The following ROBO2 variants were observed in gnomAD, a reference collection of about 807,000 sequenced individuals.
ROBO2 encodes the protein roundabout guidance receptor 2, also known as roundabout homolog 2.
A neutral mutation model predicts 160.8 loss-of-function variants in ROBO2; 53 were observed. The observed-to-expected ratio is 0.33, with a 90% CI of 0.26 to 0.41. The LOEUF is 0.41. ROBO2 is among the 10% of genes least tolerant of loss of function. The pLI is 1.00. For synonymous variants in ROBO2, 664 were observed against 611.7 expected, an observed-to-expected ratio of 1.09 and a Z score of -1.26; for missense variants, 1,577 against 1,722.4, an observed-to-expected ratio of 0.92 and a Z score of 1.49.
At chr3:76,689,142 A>C (rs1347079142) in intron 2 of ROBO2, among the ~76,000 whole-genome samples, 1 of 152,116 alleles carries the variant, frequency 6.6e-6, no homozygotes, top group East Asian at 1.9e-4. Context: ...ACAGCTTTGA[A>C]TTGCTAGCCT....
chr3:77,319,344 A>G (rs1185681365), intron 2 of ROBO2, among the ~76,000 whole-genome samples: 1 of 152,208 alleles, frequency 6.6e-6, no homozygotes, highest in Admixed American at 6.5e-5. Flanking sequence ...GATTTTTATC[A>G]CAGTGACTTC....
In ROBO2 at chr3:76,554,970, C is replaced by T. The variant is rs142385794; in HGVS notation, c.110-543044C>T. On this transcript the variant is annotated intron_variant, in intron 2 of 26. Coordinates refer to the ROBO2 transcript ENST00000487694. ...TGTGAATTTGATGTTGATGCTTGCA[C>T]AACAAAAGCATGTGGTTAAAATCTA... is the stretch of plus-strand genomic sequence containing the variant. 2.2e-3 allele frequency among the ~76,000 whole-genome samples: 326 copies of T among 150,762 alleles called. 1 individual carries two copies. The highest frequency in any genetic ancestry group is 7.7e-3 in the African/African-American group (315 of 40,986).
chr3:77,195,141 A>T (rs2150970803), intron 2 of ROBO2, among the ~76,000 whole-genome samples: 1 of 152,248 alleles, frequency 6.6e-6, no homozygotes, highest in Non-Finnish European at 1.5e-5. Flanking sequence ...ACATTCAGGT[A>T]AATAGGACGC....
At chr3:76,802,043 C>A (rs1395824871) in intron 2 of ROBO2, among the ~76,000 whole-genome samples, 1 of 152,104 alleles carries the variant, frequency 6.6e-6, no homozygotes, top group Non-Finnish European at 1.5e-5. Flanking sequence ...CCATGGCACC[C>A]AAAAACAATT....
chr3:77,437,898 G>A (rs2153549288), intron 2 of ROBO2, among the ~76,000 whole-genome samples: 1 of 152,094 alleles, frequency 6.6e-6, no homozygotes, highest in Admixed American at 6.6e-5. Flanking sequence ...CAGTCGGTAT[G>A]CCACACACTA....
chr3:76,319,952 G>T (rs2072377697), intron 2 of ROBO2, among the ~76,000 whole-genome samples: 1 of 151,988 alleles, frequency 6.6e-6, no homozygotes, highest in African/African-American at 2.4e-5. Flanking sequence ...ATTAGAGGGG[G>T]GAAGGCATCT....
At chr3:76,796,197 C>T (rs1576664356) in intron 2 of ROBO2, among the ~76,000 whole-genome samples, 1 of 152,010 alleles carries the variant, frequency 6.6e-6, no homozygotes, top group African/African-American at 2.4e-5. Flanking sequence ...ACCTGTCCAT[C>T]GAAGCCAGGC....
chr3:76,765,714 C>T (rs998140240), intron 2 of ROBO2, among the ~76,000 whole-genome samples: 5 of 151,608 alleles, frequency 3.3e-5, no homozygotes, highest in African/African-American at 7.3e-5. Context: ...TAAATCATTA[C>T]GGATGTCCAG....
chr3:76,535,417 G>T (rs1003633355), intron 2 of ROBO2, among the ~76,000 whole-genome samples: 6 of 152,020 alleles, frequency 3.9e-5, no homozygotes, highest in Non-Finnish European at 8.8e-5. Flanking sequence ...TGGGGTAAGG[G>T]TGATTAGGTT....
intron 2 of ROBO2, among the ~76,000 whole-genome samples, chr3:76,758,894 A>G (rs2061140450): frequency 6.6e-6 from 1 of 151,864 alleles, no homozygotes; most frequent in Non-Finnish European, 1.5e-5. Flanking sequence ...TATAAATGAT[A>G]GATGTATATA....
intron 2 of ROBO2, among the ~76,000 whole-genome samples, chr3:76,402,852 C>A (rs867707483): frequency 2.0e-5 from 3 of 151,622 alleles, no homozygotes; most frequent in Non-Finnish European, 4.4e-5. Context: ...AGATTGGGCT[C>A]ACCCAGATAA....
At chr3:76,935,004 G>GA (rs2077601628) in intron 2 of ROBO2, among the ~76,000 whole-genome samples, 1 of 146,594 alleles carries the variant, frequency 6.8e-6, no homozygotes, top group Non-Finnish European at 1.5e-5. Context: ...CCAGGCTGGA[G>GA]TTCAGTGGTC....
intron 2 of ROBO2, among the ~76,000 whole-genome samples, chr3:75,937,899 G>A (rs1444128931): frequency 6.9e-6 from 1 of 144,120 alleles, no homozygotes; most frequent in African/African-American, 2.6e-5. Context: ...CTATGTGTGT[G>A]TGTGTGTGTT....
intron 2 of ROBO2, among the ~76,000 whole-genome samples, chr3:76,283,423 T>G (rs781272470): frequency 1.3e-5 from 2 of 151,798 alleles, no homozygotes; most frequent in Non-Finnish European, 2.9e-5. Context: ...TTGCTTTCTC[T>G]AGTCATTTCT....
At chr3:76,567,652 T>TATATATATATATAC (rs1404175553) in intron 2 of ROBO2, among the ~76,000 whole-genome samples, 2 of 63,956 alleles carry the variant, frequency 3.1e-5, no homozygotes, top group Non-Finnish European at 5.6e-5. Context: ...TATATATATA[T>TATATATATATATAC]ACACATACAC....
chr3:77,106,106 G>C (rs1475710400), intron 2 of ROBO2, among the ~76,000 whole-genome samples: 2 of 152,124 alleles, frequency 1.3e-5, no homozygotes, highest in Non-Finnish European at 1.5e-5. Flanking sequence ...GCAGCGGTGT[G>C]ATCTCAGTTC....
chr3:76,165,863 T>C (rs72630361), intron 2 of ROBO2, among the ~76,000 whole-genome samples: 6,960 of 152,064 alleles, frequency 0.046, 348 homozygotes, highest in East Asian at 0.22. Context: ...AGAAGCCATC[T>C]CCATAATATA....
chr3:77,575,999 C>G (rs1247264720), intron 14 of ROBO2, among the ~76,000 whole-genome samples: 1 of 152,064 alleles, frequency 6.6e-6, no homozygotes, highest in African/African-American at 2.4e-5. Flanking sequence ...GATTTGGGTT[C>G]TTTCACATCT....
At chr3:76,080,580 T>C (rs1274729678) in intron 2 of ROBO2, among the ~76,000 whole-genome samples, 2 of 152,114 alleles carry the variant, frequency 1.3e-5, no homozygotes, top group African/African-American at 4.8e-5. Context: ...CTCTGAGGAG[T>C]TGCTTACAAA....
Sources: gnomAD v4.1 joint callset for allele counts (sites outside exome capture counted in the v4.1 genomes callset) on GRCh38, gnomAD v4.1.1 for gene constraint, MANE v1.5 for transcripts, NCBI Gene and HGNC (gene_info 2026-07-23, HGNC 2026-07-21) for gene names.